Variants in KIAA1328 observed in about 807,000 individuals in gnomAD.
KIAA1328 encodes the protein protein hinderin.
In KIAA1328, 52 loss-of-function variants were observed where a neutral mutation model predicts 68.1. The observed-to-expected ratio is 0.76, with a 90% CI of 0.61 to 0.96. KIAA1328 has a LOEUF of 0.96. Ranked by LOEUF, KIAA1328 falls within the 40% of genes least tolerant of loss-of-function variation. The pLI is 0.00. For synonymous variants in KIAA1328, 232 were observed against 239.4 expected, an observed-to-expected ratio of 0.97 and a Z score of 0.28; for missense variants, 641 against 677.6, an observed-to-expected ratio of 0.95 and a Z score of 0.60.
chr18:36,908,614 A>G (rs997974491), intron 5 of KIAA1328, among the ~76,000 whole-genome samples: 4 of 152,158 alleles, frequency 2.6e-5, no homozygotes, highest in Non-Finnish European at 5.9e-5. Context: ...TGCTGGGATT[A>G]TGGGTGTGAG....
intron 1 of KIAA1328, among the ~76,000 whole-genome samples, chr18:36,829,912 C>T (rs2046405328): frequency 6.6e-6 from 1 of 152,162 alleles, no homozygotes; most frequent in Non-Finnish European, 1.5e-5. Flanking sequence ...AGTTCAGCAG[C>T]AGTGATGAGA....
At chr18:36,833,787 A>G (rs2046579241) in intron 1 of KIAA1328, among the ~76,000 whole-genome samples, 1 of 152,228 alleles carries the variant, frequency 6.6e-6, no homozygotes, top group Non-Finnish European at 1.5e-5. Context: ...CTTTTTAAAT[A>G]GTAGGGCTTC....
intron 7 of KIAA1328, among the ~76,000 whole-genome samples, chr18:37,087,619 T>C (rs561562078): frequency 1.3e-5 from 2 of 152,332 alleles, no homozygotes; most frequent in Admixed American, 6.5e-5. Context: ...CAGTATATTA[T>C]GAACAGAGCT....
chr18:37,137,793 C>A (rs767882134), intron 7 of KIAA1328, among the ~76,000 whole-genome samples: 16 of 152,072 alleles, frequency 1.1e-4, no homozygotes, highest in Non-Finnish European at 2.1e-4. Flanking sequence ...TAATTCATTC[C>A]CATGGCTAGA....
At chr18:37,018,015 G>A (rs1419084933) in intron 6 of KIAA1328, among the ~76,000 whole-genome samples, 1 of 152,016 alleles carries the variant, frequency 6.6e-6, no homozygotes, top group Non-Finnish European at 1.5e-5. Context: ...TTGTTCAGCT[G>A]GTTGCCTTGT....
At chr18:36,895,848 C>T in intron 5 of KIAA1328, 1 of 453,526 alleles carries the variant, frequency 2.2e-6, no homozygotes. Context: ...GCAGAGAGAT[C>T]TCTCTGTCAC....
At chr18:37,043,808 C>T (rs776747966) in intron 6 of KIAA1328, among the ~76,000 whole-genome samples, 4 of 152,140 alleles carry the variant, frequency 2.6e-5, no homozygotes, top group Non-Finnish European at 5.9e-5. Context: ...TCCTTCTATG[C>T]CACCCAGTAT....
At chr18:36,864,057 T>TA (rs1232725773) in intron 4 of KIAA1328, among the ~76,000 whole-genome samples, 1 of 152,212 alleles carries the variant, frequency 6.6e-6, no homozygotes, top group East Asian at 1.9e-4. Context: ...TGAGTAAGAA[T>TA]AATGAGAGAG....
intron 6 of KIAA1328, among the ~76,000 whole-genome samples, chr18:37,062,182 A>T (rs1426727843): frequency 6.6e-6 from 1 of 152,140 alleles, no homozygotes; most frequent in Non-Finnish European, 1.5e-5. Context: ...TTGCAAACTC[A>T]ACTTTAGCAA....
chr18:36,860,154 A>G (rs923523865), intron 4 of KIAA1328, among the ~76,000 whole-genome samples: 12 of 152,156 alleles, frequency 7.9e-5, no homozygotes, highest in African/African-American at 2.9e-4. Flanking sequence ...GTGTGATTTT[A>G]CTAGTTTGAA....
chr18:37,150,735 T>C (rs2154209877), intron 7 of KIAA1328, among the ~76,000 whole-genome samples: 1 of 152,256 alleles, frequency 6.6e-6, no homozygotes, highest in East Asian at 1.9e-4. Flanking sequence ...TTTAATCCTT[T>C]TTAAAGATTA....
intron 5 of KIAA1328, among the ~76,000 whole-genome samples, chr18:36,922,602 T>A (rs1168775686): frequency 2.6e-5 from 4 of 152,220 alleles, no homozygotes; most frequent in African/African-American, 9.6e-5. Flanking sequence ...TCTGATTTAC[T>A]TGGCTGGCCT....
At chr18:37,136,772 C>T (rs1370450835) in intron 7 of KIAA1328, among the ~76,000 whole-genome samples, 1 of 152,136 alleles carries the variant, frequency 6.6e-6, no homozygotes, top group Non-Finnish European at 1.5e-5. Context: ...TTTACCTTGT[C>T]TTACATTAAA....
chr18:36,966,377 C>A (rs957362465), intron 6 of KIAA1328, among the ~76,000 whole-genome samples: 1 of 152,068 alleles, frequency 6.6e-6, no homozygotes, highest in Non-Finnish European at 1.5e-5. Context: ...ATTTTAGACA[C>A]CTGAATAAAA....
intron 5 of KIAA1328, among the ~76,000 whole-genome samples, chr18:36,930,118 TTG>T (rs1446596336): frequency 6.6e-6 from 1 of 152,138 alleles, no homozygotes; most frequent in Non-Finnish European, 1.5e-5. Flanking sequence ...CATACTTCTC[TTG>T]TGTTTGTTGC....
chr18:37,043,357 G>A (rs1440249503), intron 6 of KIAA1328, among the ~76,000 whole-genome samples: 1 of 152,048 alleles, frequency 6.6e-6, no homozygotes, highest in African/African-American at 2.4e-5. Flanking sequence ...GACATTTGAT[G>A]TGATATATTA....
chr18:37,011,136 G>T (rs1053052197), intron 6 of KIAA1328, among the ~76,000 whole-genome samples: 3 of 151,976 alleles, frequency 2.0e-5, no homozygotes, highest in Non-Finnish European at 4.4e-5. Context: ...CTTTTCCCTT[G>T]CTATTATAGG....
intron 6 of KIAA1328, among the ~76,000 whole-genome samples, chr18:36,993,761 G>C (rs966122622): frequency 6.6e-6 from 1 of 152,106 alleles, no homozygotes; most frequent in African/African-American, 2.4e-5. Flanking sequence ...ACCGAAGAAA[G>C]AAAAGTCTAA....
intron 4 of KIAA1328, among the ~76,000 whole-genome samples, chr18:36,854,192 C>T (rs746472668): frequency 6.6e-6 from 1 of 152,166 alleles, no homozygotes; most frequent in African/African-American, 2.4e-5. Flanking sequence ...TGTGAGGACA[C>T]AGCAAGAAGG....
Sources: allele counts gnomAD v4.1 joint callset (sites outside exome capture counted in the v4.1 genomes callset), GRCh38; gene constraint gnomAD v4.1.1; transcripts MANE v1.5; gene names NCBI Gene and HGNC (gene_info 2026-07-23, HGNC 2026-07-21).